The following CEACAM21 variants were observed in gnomAD, a reference collection of about 807,000 sequenced individuals.
The protein encoded by CEACAM21 is CEA cell adhesion molecule 21.
Under a neutral mutation model 33.2 loss-of-function variants are expected in CEACAM21, and 38 were observed. The ratio of observed to expected loss-of-function variants is 1.14; its 90% CI spans 0.88 to 1.50. CEACAM21 has a LOEUF of 1.50. CEACAM21 is among the 40% of genes most tolerant of loss of function. CEACAM21 has a pLI of 0.00. For missense variants in CEACAM21, 385 were observed against 364.6 expected (o/e 1.06, Z -0.46); for synonymous variants, 156 against 143.0 (o/e 1.09, Z -0.65).
chr19:41,586,052 T>C (rs970297008), intron 6 of CEACAM21, 181 bp downstream of exon 6: 13 of 658,234 alleles, frequency 2.0e-5, no homozygotes, highest in Non-Finnish European at 3.2e-5. Flanking sequence ...CTCCCTGTGC[T>C]AACCCCACCC....
At position 41,586,390 on chromosome 19, in the gene CEACAM21, T is replaced by C. The variant is rs1383987901; in HGVS notation, c.*1-74T>C. Reference sequence around the variant, plus strand: ...GGTTCAGTCCCAGAGTAGCCCTGGGTGGGCCCAGAGAGAGATGCCAGACCC... The same window carrying C: ...GGTTCAGTCCCAGAGTAGCCCTGGGCGGGCCCAGAGAGAGATGCCAGACCC... On this transcript the variant is annotated intron_variant, in intron 6 of 6. Coordinates refer to ENST00000401445, the MANE Select transcript of CEACAM21 (RefSeq NM_001098506.4). 4.9e-6 allele frequency: 3 copies of C among 612,104 alleles called. No homozygotes were observed. In the African/African-American group the frequency reaches 5.5e-5, roughly 11 times the overall value. 37.9% of individuals were successfully genotyped at this position (612,104 alleles called of 1,614,324 possible).
chr19:41,584,147 T>C (rs1398059613), intron 3 of CEACAM21, among the ~76,000 whole-genome samples, 200 bp from the exon 4 acceptor site: 1 of 151,950 alleles, frequency 6.6e-6, no homozygotes, highest in Non-Finnish European at 1.5e-5. Context: ...AGTTGATGCA[T>C]CCCAGTAATT....
At chr19:41,562,980 C>G (rs1317445153) in intron 1 of CEACAM21, among the ~76,000 whole-genome samples, 1 of 152,136 alleles carries the variant, frequency 6.6e-6, no homozygotes, top group Non-Finnish European at 1.5e-5. Flanking sequence ...CGCCTGCCTC[C>G]GCCTCCCGAA....
intron 1 of CEACAM21, among the ~76,000 whole-genome samples, chr19:41,557,611 T>G (rs7255679): frequency 0.19 from 28,955 of 152,096 alleles, 2,826 homozygotes; most frequent in Middle Eastern, 0.24. Flanking sequence ...GTCACCCTTC[T>G]AGTCCTGTGT....
chr19:41,557,393 T>C (rs1555785802), intron 1 of CEACAM21, among the ~76,000 whole-genome samples: 1 of 152,170 alleles, frequency 6.6e-6, no homozygotes, highest in African/African-American at 2.4e-5. Flanking sequence ...ACCCCAAGCC[T>C]TTGTTCCTGG....
chr19:41,586,677 C>T lies in CEACAM21; in HGVS notation c.*214C>T. The stretch of plus-strand genomic sequence containing the variant: ...CTGGGGACAGGAAGGGATGGGGGTC[C>T]CTGCTGAATATATAGAGACCTCAAC... On this transcript the variant is annotated 3_prime_UTR_variant, in exon 7 of 7. Transcript: ENST00000401445. 3 of 449,442 alleles carry T rather than the reference C, an allele frequency of 6.7e-6. No homozygotes were observed. The highest frequency in any genetic ancestry group is 8.4e-6 in the Non-Finnish European group (2 of 237,234). 27.8% of individuals were successfully genotyped at this position (449,442 alleles called of 1,614,324 possible). A position where few individuals can be genotyped will look rare whatever the true frequency, so the allele number is the denominator to read the frequency against.
chr19:41,581,960 G>C (rs1336372606), intron 3 of CEACAM21, among the ~76,000 whole-genome samples: 5 of 152,120 alleles, frequency 3.3e-5, no homozygotes, highest in African/African-American at 1.2e-4. Flanking sequence ...ACTCATTCCA[G>C]CATTAACCCA....
chr19:41,555,425 A>G (rs1300838651), intron 1 of CEACAM21: 2 of 151,556 alleles, frequency 1.3e-5, no homozygotes, highest in Non-Finnish European at 1.5e-5. Context: ...ATCTAGTTAG[A>G]TTAGATAAAT....
chr19:41,561,639 G>A (rs969018828), intron 1 of CEACAM21, among the ~76,000 whole-genome samples: 2 of 152,202 alleles, frequency 1.3e-5, no homozygotes, highest in East Asian at 1.9e-4. Flanking sequence ...TAACAAGGGG[G>A]CAATTGCCTA....
At chr19:41,574,635 A>T (rs2042815644), upstream of CEACAM21, among the ~76,000 whole-genome samples, 1 of 152,234 alleles carries the variant, frequency 6.6e-6, no homozygotes, top group South Asian at 2.1e-4. Context: ...AACTGCAATG[A>T]GCTATCACTT....
intron 1 of CEACAM21, among the ~76,000 whole-genome samples, chr19:41,554,310 G>T (rs570886089): frequency 6.6e-6 from 1 of 151,940 alleles, no homozygotes; most frequent in Admixed American, 6.6e-5. Flanking sequence ...TCTAAAGAGG[G>T]CCAAAACAAG....
chr19:41,586,335 C>T lies in CEACAM21; in HGVS notation c.*1-129C>T, dbSNP rs1258013722. On this transcript the variant is annotated intron_variant, in intron 6 of 6. Coordinates refer to ENST00000401445, the MANE Select transcript of CEACAM21 (RefSeq NM_001098506.4). ...GGTGGTGAGCAGAGGAGGGAGGGGCCTGGGAGCAGGAACCCCCTGAGCACA... is the reference window on the plus strand; with the variant it reads ...GGTGGTGAGCAGAGGAGGGAGGGGCTTGGGAGCAGGAACCCCCTGAGCACA... The T allele has an allele frequency of 6.7e-6, 4 of 595,518 alleles. No individual in the cohort carries two copies. In the African/African-American group the frequency reaches 7.4e-5, roughly 11 times the overall value. The allele number at this position is 595,518 out of a possible 1,614,324, so 36.9% of individuals were successfully genotyped here.
At chr19:41,558,092 A>T (rs10420992) in intron 1 of CEACAM21, among the ~76,000 whole-genome samples, 63,399 of 152,054 alleles carry the variant, frequency 0.42, 17,031 homozygotes, top group African/African-American at 0.77. Flanking sequence ...GTGCCATTTT[A>T]ATGCAATTCC....
In CEACAM21 at chr19:41,586,604, T is replaced by A; in HGVS notation, c.*141T>A. On this transcript the variant is annotated 3_prime_UTR_variant, in exon 7 of 7. Coordinates refer to ENST00000401445, the MANE Select transcript of CEACAM21 (RefSeq NM_001098506.4). ...CCAGCCCTGGGGATGGGGAAGGACATGGAGCCTGAGCCAGAGAACCAGCTC... is the reference window on the plus strand; with the variant it reads ...CCAGCCCTGGGGATGGGGAAGGACAAGGAGCCTGAGCCAGAGAACCAGCTC... The A allele has an allele frequency of 1.7e-6, 1 of 584,066 alleles. No individual in the cohort carries two copies. Among genetic ancestry groups the A allele is most frequent in the Non-Finnish European group, 3.3e-6 (1 of 298,720 alleles). 36.2% of individuals were successfully genotyped at this position (584,066 alleles called of 1,614,324 possible).
intron 2 of CEACAM21, among the ~76,000 whole-genome samples, chr19:41,578,503 C>T (rs937450426): frequency 6.6e-6 from 1 of 152,186 alleles, no homozygotes; most frequent in Non-Finnish European, 1.5e-5. Flanking sequence ...TGCTCAACGT[C>T]ACACCACCGT....
chr19:41,554,089 G>A (rs1359399119), intron 1 of CEACAM21, among the ~76,000 whole-genome samples: 1 of 152,014 alleles, frequency 6.6e-6, no homozygotes, highest in East Asian at 1.9e-4. Context: ...GATCAGCAAC[G>A]TTTTAAGCAA....
chr19:41,584,212 G>T, intron 3 of CEACAM21, 135 bp from the exon 4 acceptor site: 1 of 699,920 alleles, frequency 1.4e-6, no homozygotes, highest in South Asian at 1.9e-5. Flanking sequence ...AGCCAGCTAT[G>T]AGGACAGCAC....
At chr19:41,568,918 T>G (rs2122197743) in intron 2 of CEACAM21, among the ~76,000 whole-genome samples, 1 of 152,356 alleles carries the variant, frequency 6.6e-6, no homozygotes, top group Admixed American at 6.5e-5. Flanking sequence ...ATATCAGTTC[T>G]TCCAATTCAT....
At chr19:41,567,408 A>G (rs2042334785) in intron 2 of CEACAM21, among the ~76,000 whole-genome samples, 1 of 152,224 alleles carries the variant, frequency 6.6e-6, no homozygotes, top group Non-Finnish European at 1.5e-5. Context: ...AGAAATGTAG[A>G]AGTGTGCCAA....
Sources: gnomAD v4.1 joint callset for allele counts (sites outside exome capture counted in the v4.1 genomes callset) on GRCh38, gnomAD v4.1.1 for gene constraint, MANE v1.5 for transcripts, NCBI Gene and HGNC (gene_info 2026-07-23, HGNC 2026-07-21) for gene names.